Variants in GIPC2 observed in about 807,000 individuals in gnomAD.
GIPC2 encodes the protein GIPC PDZ domain containing family member 2.
In GIPC2, 30 loss-of-function variants were observed where a neutral mutation model predicts 30.6. That is an observed-to-expected ratio of 0.98 (90% confidence interval 0.73 to 1.33). The LOEUF is 1.33. GIPC2 is among the 40% of genes most tolerant of loss of function. GIPC2 has a pLI of 0.00. For synonymous variants in GIPC2, 167 were observed against 150.0 expected (o/e 1.11, Z -0.83); for missense variants, 414 against 390.3 (o/e 1.06, Z -0.51).
intron 1 of GIPC2, among the ~76,000 whole-genome samples, chr1:78,061,897 A>G (rs542904355): frequency 6.6e-6 from 1 of 152,204 alleles, no homozygotes; most frequent in Non-Finnish European, 1.5e-5. Context: ...GATTACAGGC[A>G]TGAGCCACTG....
chr1:78,067,058 G>A (rs142120801), intron 1 of GIPC2, among the ~76,000 whole-genome samples: 9 of 152,170 alleles, frequency 5.9e-5, no homozygotes, highest in Admixed American at 4.6e-4. Context: ...ATTGAGTAGC[G>A]ATTTTAGAAA....
chr1:78,087,793 G>A (rs1361508257), intron 2 of GIPC2, among the ~76,000 whole-genome samples: 1 of 152,136 alleles, frequency 6.6e-6, no homozygotes, highest in Non-Finnish European at 1.5e-5. Context: ...CTTCTGCACA[G>A]CAAGAGAAAC....
chr1:78,110,963 G>GA (rs1662455054), intron 3 of GIPC2, among the ~76,000 whole-genome samples: 1 of 152,124 alleles, frequency 6.6e-6, no homozygotes. Context: ...TGGGAACACT[G>GA]AAAAAAATAA....
chr1:78,119,580 G>A, intron 4 of GIPC2, 81 bp downstream of exon 4: 2 of 822,210 alleles, frequency 2.4e-6, no homozygotes, highest in Admixed American at 2.2e-5. Context: ...CCAAAACTTG[G>A]ACTTTTAATT....
intron 1 of GIPC2, among the ~76,000 whole-genome samples, chr1:78,063,936 T>C (rs1030522926): frequency 1.3e-5 from 2 of 151,968 alleles, no homozygotes; most frequent in African/African-American, 4.8e-5. Flanking sequence ...TTCAATTGAT[T>C]GTTTTTGTCT....
intron 2 of GIPC2, among the ~76,000 whole-genome samples, chr1:78,090,222 T>C (rs1662011723): frequency 6.6e-6 from 1 of 152,106 alleles, no homozygotes; most frequent in African/African-American, 2.4e-5. Context: ...TGAGACGGAG[T>C]CTCACTCTGT....
At chr1:78,131,053 T>C (rs192511456) in intron 5 of GIPC2, among the ~76,000 whole-genome samples, 8 of 152,208 alleles carry the variant, frequency 5.3e-5, no homozygotes, top group African/African-American at 1.4e-4. Context: ...CCCAGGCTGA[T>C]CTCAAAATCC....
intron 2 of GIPC2, among the ~76,000 whole-genome samples, chr1:78,086,538 C>A (rs1661930684): frequency 6.6e-6 from 1 of 152,132 alleles, no homozygotes. Flanking sequence ...AAGTCTCCCA[C>A]TATTGTTCTG....
At chr1:78,128,700 A>G (rs540059580) in intron 5 of GIPC2, among the ~76,000 whole-genome samples, 1 of 152,336 alleles carries the variant, frequency 6.6e-6, no homozygotes, top group African/African-American at 2.4e-5. Context: ...TGAAAGAGAT[A>G]TGATATAGTA....
At chr1:78,068,589 A>G (rs1170603723) in intron 1 of GIPC2, among the ~76,000 whole-genome samples, 1 of 152,244 alleles carries the variant, frequency 6.6e-6, no homozygotes, top group Non-Finnish European at 1.5e-5. Context: ...GATAGTATCT[A>G]TAATTACTCT....
chr1:78,046,421 C>G, intron 1 of GIPC2, 87 bp downstream of exon 1: 1 of 1,260,732 alleles, frequency 7.9e-7, no homozygotes, highest in Non-Finnish European at 1.1e-6. Flanking sequence ...GAGGGTTGAG[C>G]GGCGTTTCCC....
intron 1 of GIPC2, among the ~76,000 whole-genome samples, chr1:78,052,947 T>G (rs1244326300): frequency 8.5e-5 from 13 of 152,198 alleles, no homozygotes; most frequent in Non-Finnish European, 1.8e-4. Context: ...AACTGGCAAG[T>G]GGAACTGTTA....
At chr1:78,101,024 A>C (rs1363183137) in intron 3 of GIPC2, among the ~76,000 whole-genome samples, 1 of 151,772 alleles carries the variant, frequency 6.6e-6, no homozygotes, top group African/African-American at 2.4e-5. Context: ...GGGCCTAGAG[A>C]ATGAGATTTA....
chr1:78,099,482 G>A (rs532075668), intron 3 of GIPC2, among the ~76,000 whole-genome samples: 50 of 148,488 alleles, frequency 3.4e-4, no homozygotes, highest in African/African-American at 1.1e-3. Context: ...TCTGTTGCCC[G>A]GGATGGAGTA....
rs567749031 is a variant in GIPC2 at position 78,084,733 on chromosome 1, G to C, written c.426+3873G>C. Among the ~76,000 whole-genome samples the C allele has an allele frequency of 2.1e-4, 32 of 152,158 alleles. No homozygotes were observed. The South Asian group carries it at 6.0e-3, about 29-fold the overall frequency. ...AGATTGTCTTTCTGATTTGGTGCTT[G>C]GTTTGGCTGTTGGTGTATAGGAATG... On this transcript the variant is annotated intron_variant, in intron 2 of 5. Transcript: ENST00000370759.
chr1:78,100,941 T>TACACACACACAC lies in GIPC2; in HGVS notation c.607+5839_607+5850dup, dbSNP rs71590709. ...TGAGACCCTGTCAAAAAAAAAAAAA[T>TACACACACACAC]ACACACACACACACACACACACACA... On this transcript the variant is annotated intron_variant, in intron 3 of 5. Transcript: ENST00000370759. 7.0e-5 allele frequency among the ~76,000 whole-genome samples: 8 copies of TACACACACACAC among 114,876 alleles called. 1 individual carries two copies. In the South Asian group the frequency reaches 7.5e-4, roughly 11 times the overall value. The allele number at this position is 114,876 out of a possible 152,430, so 75.4% of individuals were successfully genotyped here. A position where few individuals can be genotyped will look rare whatever the true frequency, so the allele number is the denominator to read the frequency against.
rs552568201 is a variant in GIPC2, at chr1:78,052,482, G to A, written c.240+6148G>A. Among the ~76,000 whole-genome samples the A allele has an allele frequency of 2.0e-5, 3 of 152,230 alleles. No homozygotes were observed. In the South Asian group the frequency reaches 6.2e-4, roughly 32 times the overall value. On this transcript the variant is annotated intron_variant, in intron 1 of 5. Coordinates refer to ENST00000370759, the MANE Select transcript of GIPC2 (RefSeq NM_017655.6). ...CAGTAGTTAAAACCTAGTGTCTTTA[G>A]CATAAAGCTTTAGTATTGATTACAA...
chr1:78,114,629 C>T (rs938433232), intron 3 of GIPC2, among the ~76,000 whole-genome samples: 31 of 151,204 alleles, frequency 2.1e-4, no homozygotes, highest in African/African-American at 5.6e-4. Context: ...TTGGCAAATA[C>T]ATAATGATAA....
At chr1:78,087,680 A>G (rs1197851991) in intron 2 of GIPC2, among the ~76,000 whole-genome samples, 1 of 152,248 alleles carries the variant, frequency 6.6e-6, no homozygotes, top group Non-Finnish European at 1.5e-5. Context: ...TGTAGGCAAT[A>G]TCATTCTGAA....
Sources: gnomAD v4.1 joint callset for allele counts (sites outside exome capture counted in the v4.1 genomes callset) on GRCh38, gnomAD v4.1.1 for gene constraint, MANE v1.5 for transcripts, NCBI Gene and HGNC (gene_info 2026-07-23, HGNC 2026-07-21) for gene names.